The following SERGEF variants were observed in gnomAD, a reference collection of about 807,000 sequenced individuals.
The protein encoded by SERGEF is secretion-regulating guanine nucleotide exchange factor.
SERGEF carries 51 observed loss-of-function variants against 50.0 expected under a neutral mutation model. The ratio of observed to expected loss-of-function variants is 1.02; its 90% CI spans 0.81 to 1.29. SERGEF has a LOEUF of 1.29. Among genes scored for constraint, SERGEF ranks in the 50% most tolerant of loss-of-function variants. The pLI is 0.00. For synonymous variants in SERGEF, 205 were observed against 212.4 expected (o/e 0.97, Z 0.30); for missense variants, 521 against 557.0 (o/e 0.94, Z 0.65).
chr11:17,925,167 T>C (rs1852227463), intron 9 of SERGEF, among the ~76,000 whole-genome samples: 2 of 152,092 alleles, frequency 1.3e-5, no homozygotes, highest in South Asian at 4.2e-4. Flanking sequence ...ATAGCCTCTT[T>C]GCTCTACATG....
chr11:17,992,079 A>G (rs1853721547), intron 7 of SERGEF, among the ~76,000 whole-genome samples: 1 of 152,224 alleles, frequency 6.6e-6, no homozygotes, highest in Non-Finnish European at 1.5e-5. Flanking sequence ...AAGTCACTAG[A>G]CAGTTTATAC....
intron 10 of SERGEF, among the ~76,000 whole-genome samples, chr11:17,850,234 C>T (rs1850688101): frequency 6.6e-6 from 1 of 152,164 alleles, no homozygotes; most frequent in African/African-American, 2.4e-5. Flanking sequence ...GCCCCACTCC[C>T]AGCACTGTTA....
Position 17,927,282 on chromosome 11 carries a change from A to G in SERGEF, c.1011+32188T>C, listed in dbSNP as rs375422703. Among the ~76,000 whole-genome samples, 14 of 152,310 alleles carry G rather than the reference A, an allele frequency of 9.2e-5. No individual in the cohort carries two copies. The East Asian group carries it at 2.7e-3, about 29-fold the overall frequency. On this transcript the variant is annotated intron_variant, in intron 9 of 10. Coordinates refer to ENST00000265965, the MANE Select transcript of SERGEF (RefSeq NM_012139.4). Reference sequence around the variant, plus strand: ...GAAGGGACTCAAGTCCTGTTCAACAAGCACTACTGAACACAAAGCCTGGTG... The same window carrying G: ...GAAGGGACTCAAGTCCTGTTCAACAGGCACTACTGAACACAAAGCCTGGTG...
intron 8 of SERGEF, among the ~76,000 whole-genome samples, chr11:17,964,703 A>C (rs1443044837): frequency 6.6e-6 from 1 of 152,144 alleles, no homozygotes; most frequent in Non-Finnish European, 1.5e-5. Flanking sequence ...AAAAGGAGGA[A>C]GCTCTCTACC....
At chr11:17,952,448 G>C (rs1365067153) in intron 9 of SERGEF, among the ~76,000 whole-genome samples, 2 of 152,104 alleles carry the variant, frequency 1.3e-5, no homozygotes, top group Admixed American at 6.5e-5. Context: ...CTTCTTGTCA[G>C]AACTGGCCCC....
At chr11:18,007,636 AATATAC>A (rs1263176766) in intron 2 of SERGEF, among the ~76,000 whole-genome samples, 1 of 152,114 alleles carries the variant, frequency 6.6e-6, no homozygotes, top group East Asian at 1.9e-4. Flanking sequence ...TATGGTGTAA[AATATAC>A]ATTGTAACTC....
intron 10 of SERGEF, among the ~76,000 whole-genome samples, chr11:17,829,496 G>C (rs1286192556): frequency 6.6e-6 from 1 of 152,072 alleles, no homozygotes; most frequent in African/African-American, 2.4e-5. Flanking sequence ...AACCATTATC[G>C]TTTTACCTTA....
intron 8 of SERGEF, among the ~76,000 whole-genome samples, chr11:17,979,247 A>G (rs1408083132): frequency 2.0e-5 from 3 of 152,188 alleles, no homozygotes; most frequent in African/African-American, 7.2e-5. Flanking sequence ...GTGGGGAAAA[A>G]ACTGCCAGGA....
At chr11:17,819,454 C>T (rs1188364354) in intron 10 of SERGEF, among the ~76,000 whole-genome samples, 3 of 152,118 alleles carry the variant, frequency 2.0e-5, no homozygotes, top group African/African-American at 7.2e-5. Flanking sequence ...TTATCTCCTT[C>T]AAAGCTCAAA....
At chr11:17,889,077 G>A (rs1851486064) in intron 9 of SERGEF, among the ~76,000 whole-genome samples, 1 of 152,190 alleles carries the variant, frequency 6.6e-6, no homozygotes, top group Non-Finnish European at 1.5e-5. Flanking sequence ...CTTTCTTATA[G>A]TAGGATGCCA....
chr11:17,879,410 C>T (rs1427177154), intron 9 of SERGEF, among the ~76,000 whole-genome samples: 1 of 152,160 alleles, frequency 6.6e-6, no homozygotes, highest in Non-Finnish European at 1.5e-5. Flanking sequence ...AATGTTAATA[C>T]TGGAAGGGCC....
chr11:17,789,673 C>T (rs897565623), intron 10 of SERGEF, among the ~76,000 whole-genome samples: 1 of 152,208 alleles, frequency 6.6e-6, no homozygotes, highest in African/African-American at 2.4e-5. Flanking sequence ...AGCAAACTTG[C>T]AGAATCTTGC....
At chr11:17,996,916 A>G (rs575656030) in intron 5 of SERGEF, among the ~76,000 whole-genome samples, 1 of 152,348 alleles carries the variant, frequency 6.6e-6, no homozygotes, top group Non-Finnish European at 1.5e-5. Flanking sequence ...AACAACCAAA[A>G]GAAACAACTC....
chr11:17,996,079 C>T (rs1853832184), intron 5 of SERGEF, among the ~76,000 whole-genome samples, 170 bp from the exon 6 acceptor site: 1 of 152,184 alleles, frequency 6.6e-6, no homozygotes, highest in Admixed American at 6.5e-5. Flanking sequence ...CAGGGATTAC[C>T]ACCAAGCCAA....
chr11:17,885,876 G>A (rs1270375509), intron 9 of SERGEF, among the ~76,000 whole-genome samples: 1 of 152,098 alleles, frequency 6.6e-6, no homozygotes, highest in Non-Finnish European at 1.5e-5. Context: ...CAGTCCCCCA[G>A]ATCACCTCAG....
At chr11:17,956,808 C>T (rs1003845492) in intron 9 of SERGEF, among the ~76,000 whole-genome samples, 4 of 152,154 alleles carry the variant, frequency 2.6e-5, no homozygotes, top group African/African-American at 9.7e-5. Flanking sequence ...CAGCCTAGTC[C>T]AACACTGTTC....
intron 8 of SERGEF, among the ~76,000 whole-genome samples, chr11:17,972,180 G>A (rs952469426): frequency 6.6e-6 from 1 of 152,224 alleles, no homozygotes; most frequent in Admixed American, 6.5e-5. Context: ...TAACAAAAGC[G>A]ATTTTATAAA....
chr11:17,815,981 T>A (rs1849967968), intron 10 of SERGEF, among the ~76,000 whole-genome samples: 1 of 152,098 alleles, frequency 6.6e-6, no homozygotes, highest in Non-Finnish European at 1.5e-5. Context: ...GGGAAGATAA[T>A]GTTTTTGCTA....
chr11:18,001,779 G>T (rs2134009086), intron 4 of SERGEF, among the ~76,000 whole-genome samples: 1 of 152,172 alleles, frequency 6.6e-6, no homozygotes, highest in Non-Finnish European at 1.5e-5. Context: ...TCCCCTCCTG[G>T]TCTTCACTTC....
Sources: allele counts gnomAD v4.1 joint callset (sites outside exome capture counted in the v4.1 genomes callset), GRCh38; gene constraint gnomAD v4.1.1; transcripts MANE v1.5; gene names NCBI Gene and HGNC (gene_info 2026-07-23, HGNC 2026-07-21).